The following CAMK2B variants were observed in gnomAD, a reference collection of about 807,000 sequenced individuals.
CAMK2B encodes the protein calcium/calmodulin dependent protein kinase II beta.
In CAMK2B, 27 loss-of-function variants were observed where a neutral mutation model predicts 93.7. That is an observed-to-expected ratio of 0.29 (90% CI 0.21 to 0.40). The LOEUF (loss-of-function observed/expected upper bound fraction) is 0.40, where lower values mean the gene tolerates loss of function less well. Among genes scored for constraint, CAMK2B ranks in the 10% least tolerant of loss-of-function variants. CAMK2B has a pLI of 1.00. For synonymous variants in CAMK2B, 374 were observed against 358.8 expected (o/e 1.04, Z -0.48); for missense variants, 568 against 895.8 (o/e 0.63, Z 4.67).
At chr7:44,239,527 G>A in intron 13 of CAMK2B, 62 bp downstream of exon 13, 1 of 1,402,154 alleles carries the variant, frequency 7.1e-7, no homozygotes, top group Non-Finnish European at 9.8e-7. Context: ...TGCAGCAGGG[G>A]GCTGCATGCT....
chr7:44,247,107 G>A lies in CAMK2B; in HGVS notation c.414+13C>T. ...ACAACAGACACCTGGCACAGAGTGGGGTGGGGACTCACCTTGAGGTCTCTG... is the reference window on the plus strand; with the variant it reads ...ACAACAGACACCTGGCACAGAGTGGAGTGGGGACTCACCTTGAGGTCTCTG... On this transcript the variant is annotated intron_variant, in intron 6 of 23. Coordinates refer to ENST00000395749, the MANE Select transcript of CAMK2B (RefSeq NM_001220.5). The A allele has an allele frequency of 1.2e-6, 2 of 1,607,202 alleles. No homozygotes were observed. The highest frequency in any genetic ancestry group is 1.7e-6 in the Non-Finnish European group (2 of 1,173,834).
intron 6 of CAMK2B, 51 bp downstream of exon 6, chr7:44,247,069 C>A: frequency 7.0e-7 from 1 of 1,436,448 alleles, no homozygotes; most frequent in Non-Finnish European, 9.8e-7. Flanking sequence ...TTGTACACAG[C>A]ATGCAGGTAC....
At position 44,252,642 on chromosome 7, in the gene CAMK2B, C is replaced by T. The variant is rs1243808287; in HGVS notation, c.341+1900G>A. On this transcript the variant is annotated intron_variant, in intron 5 of 23. Transcript: ENST00000395749. ...GCTCTAGGAGGCCACATGCCCCCAC[C>T]CTTGCCCAGCATCTGTCCACCCCTC... Among the ~76,000 whole-genome samples, 9 of 152,098 alleles carry T rather than the reference C, an allele frequency of 5.9e-5. No individual in the cohort carries two copies. The East Asian group carries it at 1.7e-3, about 29-fold the overall frequency.
chr7:44,256,339 A>G (rs530356442), intron 4 of CAMK2B, among the ~76,000 whole-genome samples: 1 of 152,082 alleles, frequency 6.6e-6, no homozygotes, highest in East Asian at 1.9e-4. Context: ...TGGCTTGTGC[A>G]TGTGAGCACA....
Position 44,232,877 on chromosome 7 carries a change from A to G in CAMK2B, c.1132-11T>C, listed in dbSNP as rs748228247. 4.3e-6 allele frequency: 7 copies of G among 1,613,020 alleles called. No homozygotes were observed. The highest frequency in any genetic ancestry group is 2.2e-5 in the East Asian group (1 of 44,886). On this transcript the variant is annotated splice_polypyrimidine_tract_variant and intron_variant, in intron 15 of 23. Coordinates refer to ENST00000395749, the MANE Select transcript of CAMK2B (RefSeq NM_001220.5). ...GGTGGTTTGAGGCTCCTACAGAAGA[A>G]GGAAGACACAGAGGAAGGAAAGAGA...
At chr7:44,228,682 G>GGC (rs777042304) in intron 19 of CAMK2B, 114 bp downstream of exon 19, 1 of 1,028,208 alleles carries the variant, frequency 9.7e-7, no homozygotes, top group Non-Finnish European at 1.3e-6. Flanking sequence ...TCCAGGCTGC[G>GGC]GCGCCGGGGC....
chr7:44,250,186 C>A (rs149671929), intron 5 of CAMK2B, among the ~76,000 whole-genome samples: 21 of 152,334 alleles, frequency 1.4e-4, no homozygotes, highest in African/African-American at 4.8e-4. Context: ...ACAGCCCATT[C>A]AGGGCAGTCC....
chr7:44,237,920 G>A lies in CAMK2B; in HGVS notation c.1021+1669C>T, dbSNP rs114621267. Among the ~76,000 whole-genome samples the A allele has an allele frequency of 4.4e-3, 676 of 152,274 alleles. 6 individuals carry two copies. The highest frequency in any genetic ancestry group is 0.016 in the African/African-American group (652 of 41,572). ...CACCCTGCAGCTGGCCGGACACTGGGTCTCCTATGCCCTTACACCTGATCA... is the reference window on the plus strand; with the variant it reads ...CACCCTGCAGCTGGCCGGACACTGGATCTCCTATGCCCTTACACCTGATCA... On this transcript the variant is annotated intron_variant, in intron 13 of 23. Transcript: ENST00000395749.
Position 44,286,455 on chromosome 7 carries a change from C to T in CAMK2B, c.66-2230G>A, listed in dbSNP as rs530324641. Among the ~76,000 whole-genome samples the T allele has an allele frequency of 1.6e-4, 25 of 152,320 alleles. No homozygotes were observed. The highest frequency in any genetic ancestry group is 1.5e-3 in the South Asian group (7 of 4,816). ...TGATGCCCGTATGGCACCGCTGTGT[C>T]GAGCCCGTCCCCGGAGCAGGGAGGA... On this transcript the variant is annotated intron_variant, in intron 1 of 23. Transcript: ENST00000395749. The surrounding 1 kb of genome is among the most constrained non-coding windows in gnomAD (Gnocchi z 4.0).
At chr7:44,278,499 C>T (rs548781808) in intron 2 of CAMK2B, among the ~76,000 whole-genome samples, 2 of 152,166 alleles carry the variant, frequency 1.3e-5, no homozygotes, top group Non-Finnish European at 2.9e-5. Context: ...TCACCTCCCC[C>T]ATTCCTCCTC....
rs1181706424 is a variant in CAMK2B, at chr7:44,292,013, C to G, written c.66-7788G>C. Among the ~76,000 whole-genome samples, 9 of 152,220 alleles carry G rather than the reference C, an allele frequency of 5.9e-5. No individual in the cohort carries two copies. In the East Asian group the frequency reaches 1.7e-3, roughly 29 times the overall value. On this transcript the variant is annotated intron_variant, in intron 1 of 23. Coordinates refer to ENST00000395749, the MANE Select transcript of CAMK2B (RefSeq NM_001220.5). ...TGCTCGGGCTGCTGAAACAAAGTAC[C>G]ACCAACCAAGCGGTTTAAACAACAG...
chr7:44,228,969 A>G, intron 18 of CAMK2B, 45 bp from the exon 19 acceptor site: 1 of 1,600,970 alleles, frequency 6.2e-7, no homozygotes. Context: ...AGACAGACAC[A>G]CGAGGCGGCG....
intron 4 of CAMK2B, among the ~76,000 whole-genome samples, chr7:44,256,747 G>C (rs528563802): frequency 2.0e-5 from 3 of 152,230 alleles, no homozygotes; most frequent in Non-Finnish European, 4.4e-5. Context: ...CGCTCCAAGG[G>C]GTGCCTCACT....
At chr7:44,322,117 G>A (rs1188867578) in intron 1 of CAMK2B, among the ~76,000 whole-genome samples, 3 of 152,262 alleles carry the variant, frequency 2.0e-5, no homozygotes, top group Non-Finnish European at 2.9e-5. Flanking sequence ...ATGGGGGCAC[G>A]CAGGACAGTG....
rs1340565139 is a variant in CAMK2B at position 44,325,375 on chromosome 7, A to G, written c.47T>C (p.Leu16Pro). The change falls in exon 1 of 24, where the codon CTC becomes CCC. Residue 16 changes from leucine (L) to proline (P), a missense_variant. Leu to Pro is a moderately conservative substitution (Grantham distance 98). This residue lies in a region of CAMK2B where 39 missense variants were observed against 43.4 expected (regional missense o/e 0.90). Coordinates refer to ENST00000395749, the MANE Select transcript of CAMK2B (RefSeq NM_001220.5). ...TCTRFTDEYQ[L>P]YEDIGKGAFS... is the part of the protein sequence containing the mutation. Reference sequence around the variant, plus strand: ...CTCTTACTTGCCAATATCCTCGTAGAGCTGGTACTCGTCGGTGAAGCGGGT... The same window carrying G: ...CTCTTACTTGCCAATATCCTCGTAGGGCTGGTACTCGTCGGTGAAGCGGGT... The G allele has an allele frequency of 8.1e-7, 1 of 1,237,876 alleles. No individual in the cohort carries two copies. The highest frequency in any genetic ancestry group is 1.7e-5 in the South Asian group (1 of 58,572). 76.7% of individuals were successfully genotyped at this position (1,237,876 alleles called of 1,614,324 possible).
intron 4 of CAMK2B, among the ~76,000 whole-genome samples, chr7:44,257,527 A>T (rs1338060335): frequency 6.6e-6 from 1 of 152,024 alleles, no homozygotes; most frequent in African/African-American, 2.4e-5. Flanking sequence ...CCCCCACCCC[A>T]CAGTCTCCAT....
At position 44,228,736 on chromosome 7, in the gene CAMK2B, C is replaced by T. The variant is rs1363790858; in HGVS notation, c.1468+60G>A. On this transcript the variant is annotated intron_variant, in intron 19 of 23. Coordinates refer to ENST00000395749, the MANE Select transcript of CAMK2B (RefSeq NM_001220.5). Reference sequence around the variant, plus strand: ...ATGCAGGTGGGAAGCTGCTGAGCGCCGGCCATTCGCAGGGAGCTGTCCGGC... The same window carrying T: ...ATGCAGGTGGGAAGCTGCTGAGCGCTGGCCATTCGCAGGGAGCTGTCCGGC... The T allele has an allele frequency of 9.3e-6, 13 of 1,403,670 alleles. No homozygotes were observed. In the South Asian group the frequency reaches 1.1e-4, roughly 12 times the overall value. 87.0% of individuals were successfully genotyped at this position (1,403,670 alleles called of 1,614,324 possible). A position where few individuals can be genotyped will look rare whatever the true frequency, so the allele number is the denominator to read the frequency against.
At chr7:44,323,491 G>A (rs1189364858) in intron 1 of CAMK2B, among the ~76,000 whole-genome samples, 1 of 152,242 alleles carries the variant, frequency 6.6e-6, no homozygotes. Flanking sequence ...AGTGTGGGTG[G>A]CACTGGCCAG....
At chr7:44,275,900 C>A (rs1428465275) in intron 2 of CAMK2B, among the ~76,000 whole-genome samples, 2 of 152,210 alleles carry the variant, frequency 1.3e-5, no homozygotes, top group Non-Finnish European at 2.9e-5. Flanking sequence ...TGAAGGCTGA[C>A]CCTGGGGCAG....
Sources: gnomAD v4.1 joint callset for allele counts (sites outside exome capture counted in the v4.1 genomes callset) on GRCh38, gnomAD v4.1.1 for gene constraint, gnomAD v4.1.1 regional missense constraint, Gnocchi (gnomAD v3.1) non-coding constraint, MANE v1.5 for transcripts, NCBI Gene and HGNC (gene_info 2026-07-23, HGNC 2026-07-21) for gene names.